The following PARD3B variants were observed in gnomAD, a reference collection of about 807,000 sequenced individuals.
PARD3B encodes the protein partitioning defective 3 homolog B.
PARD3B carries 103 observed loss-of-function variants against 130.2 expected under a neutral mutation model. That is an observed-to-expected ratio of 0.79 (90% confidence interval 0.67 to 0.93). PARD3B has a LOEUF of 0.93. Ranked by LOEUF, PARD3B falls within the 40% of genes least tolerant of loss-of-function variation. The pLI, the probability that PARD3B is intolerant of heterozygous loss-of-function variation, is 0.00. For missense variants in PARD3B, 1,609 were observed against 1,499.2 expected (o/e 1.07, Z -1.21); for synonymous variants, 583 against 553.2 (o/e 1.05, Z -0.76).
At chr2:204,631,003 T>C (rs2034659910) in intron 1 of PARD3B, among the ~76,000 whole-genome samples, 1 of 152,148 alleles carries the variant, frequency 6.6e-6, no homozygotes, top group Non-Finnish European at 1.5e-5. Context: ...CTTTGGGGTT[T>C]GTTTGCTCTT....
At position 205,575,113 on chromosome 2, in the gene PARD3B, ACG is replaced by A. The variant is rs1553550422; in HGVS notation, c.3260+21713_3260+21714del. 9.3e-4 allele frequency among the ~76,000 whole-genome samples: 118 copies of A among 126,378 alleles called. 1 individual carries two copies. Among genetic ancestry groups the A allele is most frequent in the East Asian group, 4.2e-3 (12 of 2,866 alleles). The allele number at this position is 126,378 out of a possible 152,430, so 82.9% of individuals were successfully genotyped here. On this transcript the variant is annotated intron_variant, in intron 22 of 22. Coordinates refer to ENST00000406610, the MANE Select transcript of PARD3B (RefSeq NM_001302769.2). This position sits in a 1 kb window ranked among gnomAD's most constrained non-coding sequence, Gnocchi z 4.6. ...CACACACACACACACACACACACAC[ACG>A]CGTACACTATATATAAAAATATATT...
At chr2:205,479,360 T>A (rs2049140379) in intron 20 of PARD3B, among the ~76,000 whole-genome samples, 1 of 152,202 alleles carries the variant, frequency 6.6e-6, no homozygotes, top group African/African-American at 2.4e-5. Context: ...TGCCAAAGTC[T>A]ACAGAAGACA....
In PARD3B at chr2:205,431,940, T is replaced by G. The variant is rs374803660; in HGVS notation, c.2742-8430T>G. ...TGTAGCCTCTCTAATCTCAGCTGCTTCTTCTCTAAAGTTAAGACTTCTGTA... is the reference window on the plus strand; with the variant it reads ...TGTAGCCTCTCTAATCTCAGCTGCTGCTTCTCTAAAGTTAAGACTTCTGTA... On this transcript the variant is annotated intron_variant, in intron 19 of 22. Transcript: ENST00000406610. 4.5e-3 allele frequency among the ~76,000 whole-genome samples: 691 copies of G among 152,292 alleles called. 2 individuals carry two copies. Among genetic ancestry groups the G allele is most frequent in the South Asian group, 0.015 (71 of 4,814 alleles).
chr2:205,482,758 G>A (rs896289689), intron 20 of PARD3B: 9 of 152,132 alleles, frequency 5.9e-5, no homozygotes, highest in African/African-American at 1.9e-4. Flanking sequence ...TTAGATAAGA[G>A]CTACTTGGAT....
intron 15 of PARD3B, among the ~76,000 whole-genome samples, chr2:205,243,241 T>C (rs144793135): frequency 2.1e-4 from 32 of 152,322 alleles, no homozygotes; most frequent in African/African-American, 7.2e-4. Context: ...TTACTAGCTA[T>C]GATGTTAGTC....
At chr2:205,557,721 T>C (rs1391670455) in intron 22 of PARD3B, among the ~76,000 whole-genome samples, 1 of 152,138 alleles carries the variant, frequency 6.6e-6, no homozygotes, top group Non-Finnish European at 1.5e-5. Context: ...GTGTAGTGCA[T>C]TGAAGGATTT....
chr2:205,261,866 A>T (rs1167413365), intron 16 of PARD3B, among the ~76,000 whole-genome samples: 2 of 152,140 alleles, frequency 1.3e-5, no homozygotes, highest in African/African-American at 4.8e-5. Context: ...TACTAATTAG[A>T]ATTCTTTTTG....
chr2:205,457,968 A>G (rs2048330427), intron 20 of PARD3B, among the ~76,000 whole-genome samples: 3 of 152,192 alleles, frequency 2.0e-5, no homozygotes, highest in Non-Finnish European at 4.4e-5. Context: ...ATATTCTAAA[A>G]TCCAAACACA....
At chr2:204,686,739 G>GAT (rs1488949861) in intron 2 of PARD3B, among the ~76,000 whole-genome samples, 2 of 152,128 alleles carry the variant, frequency 1.3e-5, no homozygotes, top group African/African-American at 4.8e-5. Flanking sequence ...TATCTTGAGT[G>GAT]ATAGTCTTAT....
At chr2:204,663,301 A>C (rs571075761) in intron 1 of PARD3B, among the ~76,000 whole-genome samples, 2 of 152,174 alleles carry the variant, frequency 1.3e-5, no homozygotes, top group African/African-American at 4.8e-5. Context: ...TGAGCTCTGC[A>C]TGGACACATC....
intron 4 of PARD3B, among the ~76,000 whole-genome samples, chr2:205,089,273 C>T (rs535996641): frequency 1.0e-4 from 15 of 150,730 alleles, no homozygotes; most frequent in South Asian, 6.3e-4. Context: ...AGAGTTCAAG[C>T]GATTCTCCTG....
chr2:204,686,801 C>T (rs528494465), intron 2 of PARD3B, among the ~76,000 whole-genome samples: 1 of 152,194 alleles, frequency 6.6e-6, no homozygotes, highest in African/African-American at 2.4e-5. Flanking sequence ...AAAGTTTGAG[C>T]GTGTTCTGCC....
intron 2 of PARD3B, among the ~76,000 whole-genome samples, chr2:204,759,483 G>C (rs544513416): frequency 2.0e-5 from 3 of 151,910 alleles, no homozygotes; most frequent in South Asian, 4.2e-4. Context: ...GTATTGTTTT[G>C]AACCTTTAAA....
chr2:205,549,633 G>A (rs1041881855), intron 21 of PARD3B, among the ~76,000 whole-genome samples: 10 of 152,174 alleles, frequency 6.6e-5, no homozygotes, highest in African/African-American at 2.4e-4. Context: ...CTGGGGGAAG[G>A]AGTGATGAAT....
intron 2 of PARD3B, among the ~76,000 whole-genome samples, chr2:204,782,538 C>A (rs1325174450): frequency 6.7e-6 from 1 of 149,820 alleles, no homozygotes; most frequent in Non-Finnish European, 1.5e-5. Context: ...TATGTTATTA[C>A]ATATATGTAA....
intron 2 of PARD3B, among the ~76,000 whole-genome samples, chr2:204,881,813 G>A (rs191505463): frequency 6.6e-6 from 1 of 152,214 alleles, no homozygotes; most frequent in Admixed American, 6.5e-5. Flanking sequence ...TTGTGCATCT[G>A]CTATCAAGGA....
At chr2:204,948,806 C>T (rs913036042) in intron 2 of PARD3B, among the ~76,000 whole-genome samples, 8 of 152,160 alleles carry the variant, frequency 5.3e-5, no homozygotes, top group South Asian at 2.1e-4. Context: ...CCATTTTCAC[C>T]GACTTCCAGG....
chr2:204,986,409 C>T (rs909351466), intron 3 of PARD3B, among the ~76,000 whole-genome samples: 29 of 152,172 alleles, frequency 1.9e-4, no homozygotes, highest in African/African-American at 6.8e-4. Context: ...TTTGTCTCAG[C>T]AATGGCAGTT....
At chr2:205,029,751 C>T (rs1332606667) in intron 3 of PARD3B, among the ~76,000 whole-genome samples, 2 of 152,090 alleles carry the variant, frequency 1.3e-5, no homozygotes, top group Non-Finnish European at 2.9e-5. Flanking sequence ...TAGCATTTAG[C>T]AATCTTCAGT....
Sources: gnomAD v4.1 joint callset for allele counts (sites outside exome capture counted in the v4.1 genomes callset) on GRCh38, gnomAD v4.1.1 for gene constraint, Gnocchi (gnomAD v3.1) non-coding constraint, MANE v1.5 for transcripts, NCBI Gene and HGNC (gene_info 2026-07-23, HGNC 2026-07-21) for gene names.